Variants in MAP4K4 observed in about 807,000 individuals in gnomAD.
MAP4K4 encodes the protein mitogen-activated protein kinase kinase kinase kinase 4, also known as HPK/GCK-like kinase HGK.
Under a neutral mutation model 189.6 loss-of-function variants are expected in MAP4K4, and 38 were observed. That is an observed-to-expected ratio of 0.20 (90% CI 0.15 to 0.26). MAP4K4 has a LOEUF of 0.26. Ranked by LOEUF, MAP4K4 falls within the 10% of genes least tolerant of loss-of-function variation. The pLI is 1.00. For missense variants in MAP4K4, 1,054 were observed against 1,726.9 expected, an observed-to-expected ratio of 0.61 and a Z score of 6.91; for synonymous variants, 610 against 624.3, an observed-to-expected ratio of 0.98 and a Z score of 0.34.
chr2:101,843,448 T>C (rs894922747), intron 11 of MAP4K4, among the ~76,000 whole-genome samples: 1 of 152,234 alleles, frequency 6.6e-6, no homozygotes, highest in Admixed American at 6.5e-5. Context: ...GAATTTGAAC[T>C]GATTTCATAA....
At chr2:101,800,723 TG>T (rs2094286152) in intron 3 of MAP4K4, among the ~76,000 whole-genome samples, 1 of 152,214 alleles carries the variant, frequency 6.6e-6, no homozygotes, top group African/African-American at 2.4e-5. Flanking sequence ...TTCATGGAGT[TG>T]CACTAATTCA....
intron 2 of MAP4K4, among the ~76,000 whole-genome samples, chr2:101,714,337 A>T (rs753841914): frequency 3.3e-5 from 5 of 152,228 alleles, no homozygotes; most frequent in Non-Finnish European, 7.3e-5. Flanking sequence ...CATTTCCTGT[A>T]CTTGTGAAGA....
exon 26 of MAP4K4, chr2:101,874,114 G>A: frequency 6.2e-7 from 1 of 1,613,810 alleles, no homozygotes; most frequent in Non-Finnish European, 8.5e-7. Flanking sequence ...GAGACCAGAA[G>A]CCATAAGGCA....
intron 1 of MAP4K4, 49 bp from the exon 2 acceptor site, chr2:101,698,424 T>G (rs1405002009): frequency 6.8e-6 from 10 of 1,478,214 alleles, no homozygotes; most frequent in Non-Finnish European, 9.5e-6. Context: ...GATTTATTCA[T>G]TTTTTTGGCT....
intron 3 of MAP4K4, among the ~76,000 whole-genome samples, chr2:101,800,091 A>G (rs554043551): frequency 2.6e-5 from 4 of 151,654 alleles, no homozygotes; most frequent in Non-Finnish European, 4.4e-5. Context: ...ATGCCCCAAG[A>G]CAAAAGGCAG....
At chr2:101,845,508 G>T (rs918132074) in intron 12 of MAP4K4, among the ~76,000 whole-genome samples, 1 of 152,144 alleles carries the variant, frequency 6.6e-6, no homozygotes, top group African/African-American at 2.4e-5. Flanking sequence ...AGCCTACTGC[G>T]CACCTAGACT....
At position 101,839,811 on chromosome 2, in the gene MAP4K4, T is replaced by G; in HGVS notation, c.774-8T>G. 1 of 1,568,900 alleles carries G rather than the reference T, an allele frequency of 6.4e-7. No individual in the cohort carries two copies. The highest frequency in any genetic ancestry group is 1.4e-5 in the African/African-American group (1 of 72,722). ...TGGAAATTTGATGATCTTTTTCACT[T>G]CTTACAGGTCGAAGAAGTTTTTTAG... On this transcript the variant is annotated splice_region_variant and splice_polypyrimidine_tract_variant and intron_variant, in intron 9 of 32. Transcript: ENST00000324219.
At chr2:101,708,499 A>T (rs1323481160) in intron 2 of MAP4K4, among the ~76,000 whole-genome samples, 1 of 152,260 alleles carries the variant, frequency 6.6e-6, no homozygotes, top group East Asian at 1.9e-4. Context: ...AAAGTGAGGC[A>T]GGATGCCAAG....
intron 21 of MAP4K4, 73 bp from the exon 22 acceptor site, chr2:101,869,549 T>G: frequency 8.1e-7 from 1 of 1,239,104 alleles, no homozygotes; most frequent in Non-Finnish European, 1.2e-6. Flanking sequence ...CAATTTATGG[T>G]TAAAGAACTT....
chr2:101,734,786 G>C (rs1313370389), intron 2 of MAP4K4, among the ~76,000 whole-genome samples: 1 of 152,154 alleles, frequency 6.6e-6, no homozygotes, highest in Non-Finnish European at 1.5e-5. Flanking sequence ...CTCTTGGCCT[G>C]CTGTTCAGGG....
intron 2 of MAP4K4, among the ~76,000 whole-genome samples, chr2:101,776,959 T>C (rs1315492118): frequency 2.0e-5 from 3 of 152,188 alleles, no homozygotes; most frequent in African/African-American, 4.8e-5. Context: ...CTGACTATTG[T>C]CCTTATAGAA....
At chr2:101,868,814 C>T (rs1301118288) in intron 21 of MAP4K4, among the ~76,000 whole-genome samples, 1 of 151,958 alleles carries the variant, frequency 6.6e-6, no homozygotes, top group Non-Finnish European at 1.5e-5. Context: ...GCTCACTTCA[C>T]TCCTTTCATT....
chr2:101,829,756 C>T lies in MAP4K4; in HGVS notation c.508+162C>T, dbSNP rs180691095. On this transcript the variant is annotated intron_variant, in intron 6 of 32. Transcript: ENST00000324219. The stretch of plus-strand genomic sequence containing the variant: ...ACTGAGCATATTACTTAGCTTGGCT[C>T]CAGCCTCCCCACTTCCATGTTTGTG... The T allele has an allele frequency of 2.8e-4, 160 of 563,164 alleles. 1 individual carries two copies. The East Asian group carries it at 4.1e-3, about 14-fold the overall frequency. The allele number at this position is 563,164 out of a possible 1,614,324, so 34.9% of individuals were successfully genotyped here.
intron 12 of MAP4K4, among the ~76,000 whole-genome samples, chr2:101,845,875 A>T (rs548748457): frequency 2.6e-5 from 4 of 152,352 alleles, no homozygotes; most frequent in South Asian, 4.1e-4. Context: ...GGCCAACAAC[A>T]GTAAAGCCCT....
chr2:101,774,210 C>T (rs1414303166), intron 2 of MAP4K4, among the ~76,000 whole-genome samples: 1 of 152,168 alleles, frequency 6.6e-6, no homozygotes, highest in Non-Finnish European at 1.5e-5. Context: ...TCCTCATCCT[C>T]GCCAGCATTT....
At position 101,816,072 on chromosome 2, in the gene MAP4K4, C is replaced by T. The variant is rs939841496; in HGVS notation, c.181-7856C>T. Among the ~76,000 whole-genome samples, 4 of 152,186 alleles carry T rather than the reference C, an allele frequency of 2.6e-5. No individual in the cohort carries two copies. The East Asian group carries it at 7.7e-4, about 29-fold the overall frequency. On this transcript the variant is annotated intron_variant, in intron 3 of 32. Coordinates refer to ENST00000324219, the Ensembl canonical transcript of MAP4K4. ...TCAACTCAGAGACTCCTCTGGGCGC[C>T]GTTTGGGTTTCCTTTCCCTTTGCTG...
At chr2:101,740,246 C>T (rs932134707) in intron 2 of MAP4K4, among the ~76,000 whole-genome samples, 1 of 102,206 alleles carries the variant, frequency 9.8e-6, no homozygotes, top group Admixed American at 8.9e-5. Context: ...CTCCGCCTCC[C>T]GGGTTCACGC....
intron 24 of MAP4K4, among the ~76,000 whole-genome samples, chr2:101,872,705 C>G (rs925422716): frequency 6.6e-5 from 10 of 152,084 alleles, no homozygotes; most frequent in Non-Finnish European, 2.9e-5. Flanking sequence ...GACAGATGTT[C>G]AGGTGGGAAG....
At chr2:101,703,259 T>G (rs555678816) in intron 2 of MAP4K4, among the ~76,000 whole-genome samples, 27 of 152,042 alleles carry the variant, frequency 1.8e-4, no homozygotes, top group Non-Finnish European at 3.4e-4. Flanking sequence ...GGCATTACTC[T>G]TTGCTAGGTT....
Sources: gnomAD v4.1 joint callset for allele counts (sites outside exome capture counted in the v4.1 genomes callset) on GRCh38, gnomAD v4.1.1 for gene constraint, MANE v1.5 for transcripts, NCBI Gene and HGNC (gene_info 2026-07-23, HGNC 2026-07-21) for gene names.